Variants in FRMD3 observed in about 807,000 individuals in gnomAD.
The protein encoded by FRMD3 is FERM domain-containing protein 3.
A neutral mutation model predicts 70.2 loss-of-function variants in FRMD3; 33 were observed. The ratio of observed to expected loss-of-function variants is 0.47; its 90% CI spans 0.36 to 0.63. The LOEUF (loss-of-function observed/expected upper bound fraction) is 0.63, where lower values mean the gene tolerates loss of function less well. Among genes scored for constraint, FRMD3 ranks in the 20% least tolerant of loss-of-function variants. The pLI is 0.00. For missense variants in FRMD3, 632 were observed against 711.4 expected, an observed-to-expected ratio of 0.89 and a Z score of 1.27; for synonymous variants, 279 against 255.9, an observed-to-expected ratio of 1.09 and a Z score of -0.86.
downstream of FRMD3, among the ~76,000 whole-genome samples, chr9:83,243,723 G>A (rs1440092464): frequency 6.6e-6 from 1 of 152,038 alleles, no homozygotes; most frequent in African/African-American, 2.4e-5. Flanking sequence ...AATAAGGCAT[G>A]AGGCCACCAT....
At chr9:83,545,649 A>T in the FRMD3 span, among the ~76,000 whole-genome samples, 35 of 151,780 alleles carry the variant, frequency 2.3e-4, no homozygotes, top group Non-Finnish European at 2.8e-4. Context: ...GAGCCACCAC[A>T]CCCGGCCGAG....
chr9:83,547,731 CAT>C, the FRMD3 span, among the ~76,000 whole-genome samples: 2 of 152,150 alleles, frequency 1.3e-5, no homozygotes, highest in Admixed American at 6.5e-5. Flanking sequence ...AACTGCCAAA[CAT>C]ACATTTTTTT....
At chr9:83,269,076 A>G (rs539184175) in intron 13 of FRMD3, among the ~76,000 whole-genome samples, 1 of 152,338 alleles carries the variant, frequency 6.6e-6, no homozygotes, top group Non-Finnish European at 1.5e-5. Flanking sequence ...TGAAGAACAA[A>G]TCTGAAAATC....
At chr9:83,279,372 A>G (rs1157766224) in intron 13 of FRMD3, 1 of 152,250 alleles carries the variant, frequency 6.6e-6, no homozygotes, top group East Asian at 1.9e-4. Flanking sequence ...GATTTTAAAT[A>G]TCATTGTTCC....
chr9:83,313,320 T>G (rs1020930420), intron 7 of FRMD3, among the ~76,000 whole-genome samples: 2 of 152,250 alleles, frequency 1.3e-5, no homozygotes, highest in African/African-American at 4.8e-5. Flanking sequence ...TTCCCATTTT[T>G]TAAAGACTCC....
chr9:83,290,524 T>G, intron 13 of FRMD3, 79 bp downstream of exon 13: 1 of 1,497,440 alleles, frequency 6.7e-7, no homozygotes. Flanking sequence ...TTACCCATCA[T>G]ATGCAGAATT....
At chr9:83,261,911 A>G (rs1833013270) in intron 13 of FRMD3, among the ~76,000 whole-genome samples, 1 of 152,242 alleles carries the variant, frequency 6.6e-6, no homozygotes, top group South Asian at 2.1e-4. Context: ...TAAAATGGGG[A>G]AAATTTCAGC....
At chr9:83,243,343 G>A (rs1831943741), downstream of FRMD3, 2 of 948,260 alleles carry the variant, frequency 2.1e-6, no homozygotes, top group Admixed American at 2.0e-5. Flanking sequence ...AGGGACTCAA[G>A]CCCTGTCAAC....
rs566947706 is a variant in FRMD3 at position 83,413,289 on chromosome 9, A to T, written c.148-23581T>A. Among the ~76,000 whole-genome samples the T allele has an allele frequency of 3.9e-5, 6 of 152,336 alleles. No homozygotes were observed. The South Asian group carries it at 1.2e-3, about 32-fold the overall frequency. ...CATTTTCTCTCAAACTTTATGGTGT[A>T]GAATCTAAAGAACCATCAGCTGTCT... On this transcript the variant is annotated intron_variant, in intron 1 of 13. Transcript: ENST00000304195.
chr9:83,495,312 G>C (rs1828919715), intron 1 of FRMD3, among the ~76,000 whole-genome samples: 1 of 152,184 alleles, frequency 6.6e-6, no homozygotes, highest in Non-Finnish European at 1.5e-5. Flanking sequence ...CCATGGGTCA[G>C]TAAGATGAGA....
At chr9:83,364,796 G>A (rs1378002894) in intron 3 of FRMD3, among the ~76,000 whole-genome samples, 1 of 152,174 alleles carries the variant, frequency 6.6e-6, no homozygotes, top group Admixed American at 6.5e-5. Flanking sequence ...TGAATTGTGT[G>A]AGCGATGTCC....
rs144992070 is a variant in FRMD3, at chr9:83,523,153, AGGATGGATGGATGGAT to A, written c.147+14916_147+14931del. 4.0e-5 allele frequency among the ~76,000 whole-genome samples: 6 copies of A among 149,584 alleles called. 1 individual carries two copies. Among genetic ancestry groups the A allele is most frequent in the South Asian group, 4.2e-4 (2 of 4,722 alleles). ...AAATGTTTGTTTGGTGAATGGATGGAGGATGGATGGATGGATGGATGGATGGATGGATGGATGGATG... is the reference window on the plus strand; with the variant it reads ...AAATGTTTGTTTGGTGAATGGATGGAGGATGGATGGATGGATGGATGGATG... On this transcript the variant is annotated intron_variant, in intron 1 of 13. Transcript: ENST00000304195.
At chr9:83,573,776 AC>A in the FRMD3 span, among the ~76,000 whole-genome samples, 1 of 148,036 alleles carries the variant, frequency 6.8e-6, no homozygotes, top group Non-Finnish European at 1.5e-5. Flanking sequence ...CCTCCCCCTG[AC>A]CCCCCACCTT....
At chr9:83,448,969 C>G (rs2131410326) in intron 1 of FRMD3, among the ~76,000 whole-genome samples, 1 of 152,254 alleles carries the variant, frequency 6.6e-6, no homozygotes, top group South Asian at 2.1e-4. Context: ...GCAAAATGGG[C>G]CTTGGGGGTC....
chr9:83,342,729 TAGATA>T (rs1037457829), intron 5 of FRMD3, among the ~76,000 whole-genome samples: 33 of 111,870 alleles, frequency 2.9e-4, no homozygotes, highest in South Asian at 8.8e-4. Context: ...GATAGATAGA[TAGATA>T]GTTAGATAGA....
intron 2 of FRMD3, among the ~76,000 whole-genome samples, chr9:83,373,890 A>C (rs1464300039): frequency 6.6e-6 from 1 of 151,950 alleles, no homozygotes; most frequent in Non-Finnish European, 1.5e-5. Context: ...CTTGCACCTC[A>C]CTCTATCTCC....
chr9:83,562,609 C>T, the FRMD3 span, among the ~76,000 whole-genome samples: 1 of 152,224 alleles, frequency 6.6e-6, no homozygotes, highest in Non-Finnish European at 1.5e-5. Flanking sequence ...CTTAGCTGTC[C>T]TGTTCACCAC....
At chr9:83,536,930 T>TTAAAAAAAAAAAAAAA (rs1829904792) in intron 1 of FRMD3, among the ~76,000 whole-genome samples, 3 of 60,894 alleles carry the variant, frequency 4.9e-5, no homozygotes, top group Non-Finnish European at 9.7e-5. Flanking sequence ...TGTATTACAC[T>TTAAAAAAAAAAAAAAA]AAAAAAAAAA....
At chr9:83,481,347 T>C (rs12554044) in intron 1 of FRMD3, among the ~76,000 whole-genome samples, 7,931 of 152,132 alleles carry the variant, frequency 0.052, 293 homozygotes, top group East Asian at 0.18. Context: ...TAGGGAAAAA[T>C]AAATAAAGAA....
Sources: gnomAD v4.1 joint callset for allele counts (sites outside exome capture counted in the v4.1 genomes callset) on GRCh38, gnomAD v4.1.1 for gene constraint, MANE v1.5 for transcripts, NCBI Gene and HGNC (gene_info 2026-07-23, HGNC 2026-07-21) for gene names.